The following MGST1 variants were observed in gnomAD, a reference collection of about 807,000 sequenced individuals.
MGST1 encodes glutathione S-transferase 12.
A neutral mutation model predicts 8.9 loss-of-function variants in MGST1; 5 were observed. The observed-to-expected ratio is 0.56, with a 90% CI of 0.29 to 1.19. The LOEUF (loss-of-function observed/expected upper bound fraction) is 1.19, where lower values mean the gene tolerates loss of function less well. MGST1 is among the 50% of genes most tolerant of loss of function. The pLI is 0.08. For synonymous variants in MGST1, 54 were observed against 67.8 expected (o/e 0.80, Z 1.00); for missense variants, 182 against 187.4 (o/e 0.97, Z 0.17).
At chr12:16,476,002 G>A (rs117682317) in intron 4 of MGST1, among the ~76,000 whole-genome samples, 1 of 152,028 alleles carries the variant, frequency 6.6e-6, no homozygotes, top group African/African-American at 2.4e-5. Flanking sequence ...AGAGGAAGTA[G>A]ATTAGCTTCC....
At chr12:16,450,799 T>G (rs1425102678) in intron 4 of MGST1, among the ~76,000 whole-genome samples, 1 of 151,786 alleles carries the variant, frequency 6.6e-6, no homozygotes, top group African/African-American at 2.4e-5. Context: ...ATCTTGTGAA[T>G]GTAGGAGGCG....
Position 16,364,048 on chromosome 12 carries a change from T to C in MGST1, c.*7T>C, listed in dbSNP as rs777876717. ...AAGTAAATTGTACCTGTAAAGAAAA[T>C]CATACAACTCAGCATCCAGTTGGCT... On this transcript the variant is annotated 3_prime_UTR_variant, in exon 4 of 4. Coordinates refer to ENST00000396210, the MANE Select transcript of MGST1 (RefSeq NM_020300.5). The surrounding 1 kb of genome is among the most constrained non-coding windows in gnomAD (Gnocchi z 5.7). 1.9e-6 allele frequency: 3 copies of C among 1,593,536 alleles called. No individual in the cohort carries two copies. In the South Asian group the frequency reaches 3.4e-5, roughly 18 times the overall value.
intron 1 of MGST1, among the ~76,000 whole-genome samples, chr12:16,402,975 A>T (rs971702115): frequency 6.7e-6 from 1 of 150,338 alleles, no homozygotes; most frequent in African/African-American, 2.4e-5. Flanking sequence ...ATTATTATTA[A>T]ATAAATTATC....
At chr12:16,387,682 A>G (rs1405568404) in intron 1 of MGST1, among the ~76,000 whole-genome samples, 1 of 151,720 alleles carries the variant, frequency 6.6e-6, no homozygotes, top group Admixed American at 6.6e-5. Context: ...GCCCACCACC[A>G]CGCCTGGCTA....
intron 1 of MGST1, among the ~76,000 whole-genome samples, chr12:16,426,680 C>T (rs745735952): frequency 2.0e-5 from 3 of 152,048 alleles, no homozygotes; most frequent in Non-Finnish European, 4.4e-5. Flanking sequence ...AGGCCGGGCG[C>T]GTGGCTCACG....
At chr12:16,519,478 A>G (rs1941634836) in intron 4 of MGST1, among the ~76,000 whole-genome samples, 1 of 152,160 alleles carries the variant, frequency 6.6e-6, no homozygotes, top group African/African-American at 2.4e-5. Context: ...AGCAGTGGGA[A>G]CTGTAGTAGC....
At position 16,401,639 on chromosome 12, in the gene MGST1, ACT is replaced by A; in HGVS notation, n.778+18037_778+18038del. ...CCCCAAAATACATGTGATTCTTGTC[ACT>A]CACCACACTGAACTTGAGATTATAG... On this transcript the variant is annotated intron_variant and non_coding_transcript_variant, in intron 1 of 1. Coordinates refer to the MGST1 transcript ENST00000359720. This position sits in a 1 kb window ranked among gnomAD's most constrained non-coding sequence, Gnocchi z 4.3. The A allele has an allele frequency of 6.3e-7, 1 of 1,594,498 alleles. No homozygotes were observed. Among genetic ancestry groups the A allele is most frequent in the East Asian group, 2.2e-5 (1 of 44,780 alleles).
Position 16,544,921 on chromosome 12 carries a change from G to A in MGST1, n.483-44607G>A, listed in dbSNP as rs1941814669. Reference sequence around the variant, plus strand: ...TAGCTAGTTCTTGTGCCCCAACCAAGGTTCATATCGTCAATAACACAGATC... The same window carrying A: ...TAGCTAGTTCTTGTGCCCCAACCAAAGTTCATATCGTCAATAACACAGATC... On this transcript the variant is annotated intron_variant and non_coding_transcript_variant, in intron 4 of 4. Transcript: ENST00000538857. This position sits in a 1 kb window ranked among gnomAD's most constrained non-coding sequence, Gnocchi z 4.8. Among the ~76,000 whole-genome samples the A allele has an allele frequency of 6.6e-6, 1 of 151,856 alleles. No individual in the cohort carries two copies. Among genetic ancestry groups the A allele is most frequent in the African/African-American group, 2.4e-5 (1 of 41,372 alleles).
intron 1 of MGST1, among the ~76,000 whole-genome samples, chr12:16,430,831 G>A (rs1940932403): frequency 6.6e-6 from 1 of 152,150 alleles, no homozygotes; most frequent in Admixed American, 6.6e-5. Flanking sequence ...TAACAAGACA[G>A]CGAGCCCGTC....
At chr12:16,471,996 G>A (rs913271899) in intron 4 of MGST1, among the ~76,000 whole-genome samples, 1 of 151,878 alleles carries the variant, frequency 6.6e-6, no homozygotes, top group African/African-American at 2.4e-5. Context: ...TTTCCCCAGT[G>A]CTCCAGGCAT....
rs117016396 is a variant in MGST1 at position 16,415,334 on chromosome 12, C to A, written n.779-22054C>A. Among the ~76,000 whole-genome samples, 192 of 152,270 alleles carry A rather than the reference C, an allele frequency of 1.3e-3. 4 individuals are homozygous for A. The East Asian group carries it at 0.031, about 24-fold the overall frequency. On this transcript the variant is annotated intron_variant and non_coding_transcript_variant, in intron 1 of 1. Coordinates refer to the MGST1 transcript ENST00000359720. ...GTGAATTACACAGATCTGAGAACCT[C>A]CTCTTATTTACTCATCTGATTTCCA...
intron 1 of MGST1, among the ~76,000 whole-genome samples, chr12:16,420,092 C>T (rs959719595): frequency 2.6e-5 from 4 of 152,146 alleles, no homozygotes; most frequent in Admixed American, 6.5e-5. Flanking sequence ...ATTTCATTTT[C>T]TTTAAAGTTT....
At chr12:16,492,987 T>C (rs1029896811) in intron 4 of MGST1, among the ~76,000 whole-genome samples, 1 of 152,178 alleles carries the variant, frequency 6.6e-6, no homozygotes, top group African/African-American at 2.4e-5. Context: ...AATATGCCAT[T>C]ACCCTAGGCA....
At chr12:16,505,943 A>C (rs1186697425) in intron 4 of MGST1, among the ~76,000 whole-genome samples, 1 of 152,244 alleles carries the variant, frequency 6.6e-6, no homozygotes, top group Non-Finnish European at 1.5e-5. Flanking sequence ...TTGCCATATA[A>C]AAACACATGT....
At position 16,362,433 on chromosome 12, in the gene MGST1, A is replaced by C. The variant is rs1040178626; in HGVS notation, c.222-1362A>C. The C allele has an allele frequency of 6.6e-6, 1 of 152,182 alleles. No individual in the cohort carries two copies. The highest frequency in any genetic ancestry group is 2.4e-5 in the African/African-American group (1 of 41,444). 9.4% of individuals were successfully genotyped at this position (152,182 alleles called of 1,614,324 possible). On this transcript the variant is annotated intron_variant, in intron 3 of 3. Transcript: ENST00000396210. The surrounding 1 kb of genome is among the most constrained non-coding windows in gnomAD (Gnocchi z 4.4). ...AGAGATAATCTAGGGAAGACAAGAC[A>C]AAGGAAAGGAGAGGAGGAGAGTGAC...
At chr12:16,589,892 C>T (rs1379011675), downstream of MGST1, among the ~76,000 whole-genome samples, 1 of 152,058 alleles carries the variant, frequency 6.6e-6, no homozygotes, top group Non-Finnish European at 1.5e-5. This position sits in a 1 kb window ranked among gnomAD's most constrained non-coding sequence, Gnocchi z 4.2. Flanking sequence ...CCTCGTAAAG[C>T]TCTCTGGCTA....
chr12:16,451,402 T>A (rs1446002180), intron 4 of MGST1, among the ~76,000 whole-genome samples: 1 of 151,832 alleles, frequency 6.6e-6, no homozygotes, highest in Non-Finnish European at 1.5e-5. Context: ...CGCAAAGATA[T>A]ACAAAATACA....
rs531027216 is a variant in MGST1 at position 16,547,218 on chromosome 12, A to T, written n.483-42310A>T. 6.6e-6 allele frequency among the ~76,000 whole-genome samples: 1 copy of T among 152,242 alleles called. No homozygotes were observed. The highest frequency in any genetic ancestry group is 2.4e-5 in the African/African-American group (1 of 41,532). On this transcript the variant is annotated intron_variant and non_coding_transcript_variant, in intron 4 of 4. Coordinates refer to the MGST1 transcript ENST00000538857. This position sits in a 1 kb window ranked among gnomAD's most constrained non-coding sequence, Gnocchi z 4.6. The stretch of plus-strand genomic sequence containing the variant: ...TACCTACAGGCATGTGTTAAACTTG[A>T]CACTGGTTTCAGCCAAATAATGGAC...
intron 4 of MGST1, among the ~76,000 whole-genome samples, chr12:16,571,076 G>C (rs568854513): frequency 6.6e-6 from 1 of 152,140 alleles, no homozygotes; most frequent in East Asian, 1.9e-4. Context: ...AGTTTAGTTT[G>C]AAATTTTATT....
Sources: gnomAD v4.1 joint callset for allele counts (sites outside exome capture counted in the v4.1 genomes callset) on GRCh38, gnomAD v4.1.1 for gene constraint, Gnocchi (gnomAD v3.1) non-coding constraint, MANE v1.5 for transcripts, NCBI Gene and HGNC (gene_info 2026-07-23, HGNC 2026-07-21) for gene names.